COL5A3: variants seen among roughly 807,000 people sequenced by gnomAD.
The protein encoded by COL5A3 is collagen type V alpha 3 chain, also known as collagen alpha-3(V) chain.
Under a neutral mutation model 250.0 loss-of-function variants are expected in COL5A3, and 172 were observed. The ratio of observed to expected loss-of-function variants is 0.69; its 90% CI spans 0.61 to 0.78. COL5A3 has a LOEUF of 0.78. COL5A3 is among the 30% of genes least tolerant of loss of function. The pLI, the probability that COL5A3 is intolerant of heterozygous loss-of-function variation, is 0.00. For synonymous variants in COL5A3, 937 were observed against 900.4 expected, an observed-to-expected ratio of 1.04 and a Z score of -0.73; for missense variants, 2,340 against 2,334.4, an observed-to-expected ratio of 1.00 and a Z score of -0.05.
Position 9,976,572 on chromosome 19 carries a change from G to T in COL5A3, c.3328C>A (p.His1110Asn). The T allele has an allele frequency of 6.4e-7, 1 of 1,569,284 alleles. No homozygotes were observed. The highest frequency in any genetic ancestry group is 8.6e-7 in the Non-Finnish European group (1 of 1,164,902). The change falls in exon 45 of 67, where the codon CAC becomes AAC. Residue 1110 changes from histidine (H) to asparagine (N), a missense_variant. Physicochemically the swap from His to Asn is moderately conservative, Grantham distance 68. This residue lies in a region of COL5A3 where 1,179 missense variants were observed against 1,162.6 expected (regional missense o/e 1.01). Transcript: ENST00000264828. ...GGGGCACTCACCGGGGGACCTGGGT[G>T]TCCTGCAGGACCCCGTATCCCTGGT... ...GQPGIRGPAG[H>N]PGPPGADGAQ...
At position 9,966,527 on chromosome 19, in the gene COL5A3, G is replaced by T. The variant is rs753704267; in HGVS notation, c.4669+9C>A. Reference sequence around the variant, plus strand: ...CGCCCATCCAAGTGGCGGGGGGACCGGACCTCACCATCAGGCAGGTGCGGG... The same window carrying T: ...CGCCCATCCAAGTGGCGGGGGGACCTGACCTCACCATCAGGCAGGTGCGGG... On this transcript the variant is annotated intron_variant, in intron 63 of 66. Coordinates refer to ENST00000264828, the MANE Select transcript of COL5A3 (RefSeq NM_015719.4). 1.3e-6 allele frequency: 2 copies of T among 1,538,626 alleles called. No individual in the cohort carries two copies. Among genetic ancestry groups the T allele is most frequent in the African/African-American group, 2.7e-5 (2 of 72,966 alleles).
At chr19:9,996,562 T>A (rs1268743249) in intron 12 of COL5A3, 46 bp from the exon 13 acceptor site, 2 of 1,613,298 alleles carry the variant, frequency 1.2e-6, no homozygotes, top group Non-Finnish European at 1.7e-6. Flanking sequence ...AGAGGCCCCC[T>A]CCTGGATCAG....
chr19:9,978,592 TG>T lies in COL5A3; in HGVS notation c.2999del (p.Pro1000GlnfsTer144), dbSNP rs760926657. On this transcript the variant is annotated frameshift_variant, in exon 41 of 67. Transcript: ENST00000264828. LOFTEE classifies it high-confidence loss of function. ...PTGLKGDKGP[P>X]GPVGANGSPG... ...TACTTACATTGGCCCCCACGGGCCC[TG>T]GGGGGCCCTTATCACCCTTTAAGCC... The T allele has an allele frequency of 2.1e-5, 33 of 1,575,828 alleles. No individual in the cohort carries two copies. The highest frequency in any genetic ancestry group is 2.8e-5 in the Non-Finnish European group (33 of 1,161,602).
At position 9,968,702 on chromosome 19, in the gene COL5A3, C is replaced by T. The variant is rs200675291; in HGVS notation, c.4179G>A (p.Lys1393=). ...PLGPSGLPGL[K]GDTGPKGEKG... ...TTTCCCCCTTGGGGCCAGTGTCTCCCTTCAGCCCTGGGAGGCCAGAGGGCC... is the reference window on the plus strand; with the variant it reads ...TTTCCCCCTTGGGGCCAGTGTCTCCTTTCAGCCCTGGGAGGCCAGAGGGCC... The change falls in exon 58 of 67, where the codon AAG becomes AAA. Residue 1393 remains lysine (K), a synonymous_variant. Coordinates refer to ENST00000264828, the MANE Select transcript of COL5A3 (RefSeq NM_015719.4). The surrounding 1 kb of genome is among the most constrained non-coding windows in gnomAD (Gnocchi z 4.1). 1.2e-4 allele frequency: 196 copies of T among 1,605,752 alleles called. No individual in the cohort carries two copies. The highest frequency in any genetic ancestry group is 1.7e-4 in the Middle Eastern group (1 of 6,058).
In COL5A3 at chr19:9,968,138, C is replaced by A; in HGVS notation, c.4315-59G>T. ...GTACACCCTATTGCCCTGACACATC[C>A]CCCAGACAAGCCTTCAATCCTACCA... On this transcript the variant is annotated intron_variant, in intron 59 of 66. Coordinates refer to ENST00000264828, the MANE Select transcript of COL5A3 (RefSeq NM_015719.4). This position sits in a 1 kb window ranked among gnomAD's most constrained non-coding sequence, Gnocchi z 4.1. The A allele has an allele frequency of 6.8e-7, 1 of 1,476,898 alleles. No homozygotes were observed. Among genetic ancestry groups the A allele is most frequent in the Non-Finnish European group, 9.2e-7 (1 of 1,082,272 alleles). The allele number at this position is 1,476,898 out of a possible 1,614,324, so 91.5% of individuals were successfully genotyped here.
Position 9,968,697 on chromosome 19 carries a change from T to C in COL5A3, c.4184A>G (p.Asp1395Gly). 6.2e-7 allele frequency: 1 copy of C among 1,606,486 alleles called. No individual in the cohort carries two copies. The highest frequency in any genetic ancestry group is 8.5e-7 in the Non-Finnish European group (1 of 1,177,634). Residue 1395 changes from aspartate to glycine, a missense_variant, in exon 58 of 67, where the codon GAC (aspartate) becomes GGC (glycine). By Grantham distance (94) the Asp-to-Gly change is moderately conservative. Coordinates refer to ENST00000264828, the MANE Select transcript of COL5A3 (RefSeq NM_015719.4). The surrounding 1 kb of genome is among the most constrained non-coding windows in gnomAD (Gnocchi z 4.1). Reference protein sequence around the residue: ...GPSGLPGLKGDTGPKGEKGHI... With the variant: ...GPSGLPGLKGGTGPKGEKGHI... ...TACCTTTTCCCCCTTGGGGCCAGTG[T>C]CTCCCTTCAGCCCTGGGAGGCCAGA...
chr19:9,960,976 G>T (rs1444733145), intron 65 of COL5A3, 86 bp from the exon 66 acceptor site: 114 of 1,519,062 alleles, frequency 7.5e-5, no homozygotes, highest in Non-Finnish European at 9.1e-5. Flanking sequence ...CCATCCACTG[G>T]CAGACAAGCC....
chr19:9,978,918 G>A lies in COL5A3; in HGVS notation c.2937C>T (p.Pro979=), dbSNP rs535590291. Residue 979 remains proline, a synonymous_variant, in exon 40 of 67, where the codon CCC becomes CCT. Coordinates refer to ENST00000264828, the MANE Select transcript of COL5A3 (RefSeq NM_015719.4). ...KEGPAGLRGF[P]GPKGGPGDPG... Reference sequence around the variant, plus strand: ...GGTCCCCAGGGCCCCCTTTGGGGCCGGGAAAGCCCCTGAGTCCAGCTGGCC... The same window carrying A: ...GGTCCCCAGGGCCCCCTTTGGGGCCAGGAAAGCCCCTGAGTCCAGCTGGCC... 3.7e-5 allele frequency: 56 copies of A among 1,495,020 alleles called. No homozygotes were observed. The highest frequency in any genetic ancestry group is 5.6e-5 in the South Asian group (4 of 70,918). The allele number at this position is 1,495,020 out of a possible 1,614,324, so 92.6% of individuals were successfully genotyped here. A position where few individuals can be genotyped will look rare whatever the true frequency, so the allele number is the denominator to read the frequency against.
intron 40 of COL5A3, 91 bp downstream of exon 40, chr19:9,978,800 G>A (rs139559671): frequency 4.4e-4 from 458 of 1,041,252 alleles, no homozygotes; most frequent in African/African-American, 8.6e-4. Context: ...ATCATTTCCC[G>A]CACCCCAAAT....
chr19:9,984,727 T>A (rs1203022614), intron 31 of COL5A3, among the ~76,000 whole-genome samples: 2 of 152,068 alleles, frequency 1.3e-5, no homozygotes, highest in South Asian at 4.2e-4. Flanking sequence ...TCAAGAAACT[T>A]TCCCAAGATC....
In COL5A3 at chr19:10,001,529, A is replaced by G; in HGVS notation, c.1105T>C (p.Phe369Leu). The stretch of plus-strand genomic sequence containing the variant: ...CCAGCCACCTAGAAACTCACAGGAA[A>G]GATCTGGAACTGAGTCCGAGATGGA... ...EYPSRTQFQI[F>L]PGAGEKGAKG... Residue 369 changes from phenylalanine (F) to leucine (L), a missense_variant, in exon 8 of 67, where the codon TTT becomes CTT. Physicochemically the swap from Phe to Leu is conservative, Grantham distance 22. This residue lies in a region of COL5A3 where 1,152 missense variants were observed against 1,146.3 expected (regional missense o/e 1.00). Transcript: ENST00000264828. The G allele has an allele frequency of 6.2e-7, 1 of 1,613,742 alleles. No individual in the cohort carries two copies. Among genetic ancestry groups the G allele is most frequent in the Non-Finnish European group, 8.5e-7 (1 of 1,179,864 alleles).
chr19:9,985,262 ATTTT>A (rs61409571), intron 31 of COL5A3, among the ~76,000 whole-genome samples: 1 of 128,126 alleles, frequency 7.8e-6, no homozygotes, highest in Non-Finnish European at 1.7e-5. Flanking sequence ...CATCTGGCTA[ATTTT>A]TTTTTTTTTT....
intron 5 of COL5A3, 36 bp downstream of exon 5, chr19:10,004,005 G>T: frequency 6.6e-7 from 1 of 1,504,158 alleles, no homozygotes; most frequent in Non-Finnish European, 9.3e-7. Context: ...CCCAGCCTGT[G>T]TCCTGAGATT....
rs772965067 is a variant in COL5A3, at chr19:9,995,610, C to T, written c.1541G>A (p.Arg514Gln). ...GGGTCCATGAGGTCCCTGCAGGCCT[C>T]GGGGACCCTAGAAGAAAGCAAAAAG... is the stretch of plus-strand genomic sequence containing the variant. ...EEGAEGPQGP[R>Q]GLQGPHGPPG... The change falls in exon 16 of 67, where the codon CGA becomes CAA. Residue 514 changes from arginine (R) to glutamine (Q), a missense_variant. Arg to Gln is a conservative substitution (Grantham distance 43, BLOSUM62 1). Coordinates refer to ENST00000264828, the MANE Select transcript of COL5A3 (RefSeq NM_015719.4). 1.2e-5 allele frequency: 19 copies of T among 1,594,690 alleles called. No individual in the cohort carries two copies. The highest frequency in any genetic ancestry group is 1.7e-4 in the Middle Eastern group (1 of 6,000).
At chr19:9,961,828 G>A (rs950069906) in intron 65 of COL5A3, among the ~76,000 whole-genome samples, 10 of 152,134 alleles carry the variant, frequency 6.6e-5, no homozygotes, top group African/African-American at 2.4e-4. Context: ...AAAGTGCTGG[G>A]ATTACAGGCG....
intron 45 of COL5A3, among the ~76,000 whole-genome samples, chr19:9,974,783 C>T (rs4293496): frequency 0.2 from 29,824 of 151,608 alleles, 3,096 homozygotes; most frequent in South Asian, 0.32. Flanking sequence ...AGGATAGGGC[C>T]GTATGTTCCT....
chr19:9,963,142 G>A (rs1247391447), intron 64 of COL5A3, among the ~76,000 whole-genome samples: 1 of 152,110 alleles, frequency 6.6e-6, no homozygotes, highest in Non-Finnish European at 1.5e-5. Flanking sequence ...TAACTCTCAG[G>A]TGCCTGTGCT....
intron 1 of COL5A3, among the ~76,000 whole-genome samples, chr19:10,006,453 G>GTT (rs35938123): frequency 6.7e-6 from 1 of 149,234 alleles, no homozygotes; most frequent in South Asian, 2.1e-4. Context: ...TGTTGACTCT[G>GTT]TTTTTTTTTT....
At chr19:9,993,695 C>T in intron 17 of COL5A3, 23 bp from the exon 18 acceptor site, 2 of 1,614,090 alleles carry the variant, frequency 1.2e-6, no homozygotes, top group Non-Finnish European at 1.7e-6. Flanking sequence ...ACCAGTGAGC[C>T]TTGACCCCAT....
Sources: allele counts gnomAD v4.1 joint callset (sites outside exome capture counted in the v4.1 genomes callset), GRCh38; gene constraint gnomAD v4.1.1; regional missense constraint gnomAD v4.1.1; non-coding constraint Gnocchi (gnomAD v3.1); transcripts MANE v1.5; gene names NCBI Gene and HGNC (gene_info 2026-07-23, HGNC 2026-07-21).